Variants in ADAMTS15 observed in about 807,000 individuals in gnomAD.
ADAMTS15 encodes the protein A disintegrin and metalloproteinase with thrombospondin motifs 15.
In ADAMTS15, 35 loss-of-function variants were observed where a neutral mutation model predicts 79.1. The observed-to-expected ratio is 0.44, with a 90% CI of 0.34 to 0.59. The LOEUF (loss-of-function observed/expected upper bound fraction) is 0.59. Ranked by LOEUF, ADAMTS15 falls within the 20% of genes least tolerant of loss-of-function variation. The pLI is 0.02. For missense variants in ADAMTS15, 1,324 were observed against 1,318.7 expected (o/e 1.00, Z -0.06); for synonymous variants, 616 against 567.3 (o/e 1.09, Z -1.22).
In ADAMTS15 at chr11:130,469,301, T is replaced by C. The variant is rs1938372424; in HGVS notation, c.1582T>C (p.Cys528Arg). ...GGCCAAATGGGATCCCTATGGCCCC[T>C]GCTCGCGCACATGTGGTGGGGGCGT... ...SWAKWDPYGP[C>R]SRTCGGGVQL... The change falls in exon 5 of 8, where the codon TGC becomes CGC. Residue 528 changes from cysteine to arginine, a missense_variant. Cys to Arg is a radical substitution (Grantham distance 180). Transcript: ENST00000299164. 1 of 1,402,292 alleles carries C rather than the reference T, an allele frequency of 7.1e-7. No individual in the cohort carries two copies. The highest frequency in any genetic ancestry group is 9.3e-7 in the Non-Finnish European group (1 of 1,073,234). The allele number at this position is 1,402,292 out of a possible 1,614,324, so 86.9% of individuals were successfully genotyped here. A position where few individuals can be genotyped will look rare whatever the true frequency, so the allele number is the denominator to read the frequency against.
chr11:130,470,146 A>ACATG lies in ADAMTS15; in HGVS notation c.1720+707_1720+708insCATG, dbSNP rs1938397671. Among the ~76,000 whole-genome samples, 14 of 58,884 alleles carry ACATG rather than the reference A, an allele frequency of 2.4e-4. 1 individual carries two copies. Among genetic ancestry groups the ACATG allele is most frequent in the Admixed American group, 1.0e-3 (6 of 5,948 alleles). The allele number at this position is 58,884 out of a possible 152,430, so 38.6% of individuals were successfully genotyped here. A position where few individuals can be genotyped will look rare whatever the true frequency, so the allele number is the denominator to read the frequency against. The stretch of plus-strand genomic sequence containing the variant: ...TATATATATATACATATATATATAT[A>ACATG]TATATGTGTATATATATATATATAT... On this transcript the variant is annotated intron_variant, in intron 5 of 7. Transcript: ENST00000299164.
chr11:130,460,256 C>T (rs1393354714), intron 1 of ADAMTS15, among the ~76,000 whole-genome samples: 2 of 151,384 alleles, frequency 1.3e-5, no homozygotes, highest in Non-Finnish European at 2.9e-5. Flanking sequence ...ACCAGCATCA[C>T]TGATTCAACA....
At position 130,473,417 on chromosome 11, in the gene ADAMTS15, G is replaced by A. The variant is rs1204880538; in HGVS notation, c.2449G>A (p.Gly817Arg). Reference protein sequence around the residue: ...DKSSHPKDPRGPSVLHNSVLS... With the variant: ...DKSSHPKDPRRPSVLHNSVLS... ...GTCCTCTCATCCCAAGGACCCCCGG[G>A]GACCCTCTGTCTTGCACAACAGCGT... Residue 817 changes from glycine (G) to arginine (R), a missense_variant, in exon 8 of 8, where the codon GGA (glycine) becomes AGA (arginine). By Grantham distance (125) the Gly-to-Arg change is moderately radical (BLOSUM62 -2). Transcript: ENST00000299164. The A allele has an allele frequency of 6.2e-7, 1 of 1,612,800 alleles. No individual in the cohort carries two copies. The highest frequency in any genetic ancestry group is 1.1e-5 in the South Asian group (1 of 91,086).
chr11:130,460,555 G>A (rs1446815797), intron 1 of ADAMTS15, among the ~76,000 whole-genome samples: 1 of 152,180 alleles, frequency 6.6e-6, no homozygotes, highest in Non-Finnish European at 1.5e-5. Flanking sequence ...GGAATTACAG[G>A]TGTGGGCCAC....
At chr11:130,471,472 G>T (rs1477636218) in intron 7 of ADAMTS15, 89 bp downstream of exon 7, 25 of 1,458,840 alleles carry the variant, frequency 1.7e-5, no homozygotes, top group Non-Finnish European at 2.0e-5. Flanking sequence ...TTAGACTGGG[G>T]TAAATGTCAG....
Position 130,449,312 on chromosome 11 carries a change from G to T in ADAMTS15, c.339G>T (p.Ser113=), listed in dbSNP as rs762890434. Residue 113 remains serine, a synonymous_variant, in exon 1 of 8, where the codon TCG becomes TCT. Transcript: ENST00000299164. This position sits in a 1 kb window ranked among gnomAD's most constrained non-coding sequence, Gnocchi z 7.8. The part of the protein sequence containing the change: ...YSGDVNAEPD[S]FAAVSLCGGL... ...GGGACGTGAACGCCGAGCCGGACTC[G>T]TTCGCTGCTGTGAGCCTGTGCGGGG... 1 of 1,610,494 alleles carries T rather than the reference G, an allele frequency of 6.2e-7. No individual in the cohort carries two copies.
intron 5 of ADAMTS15, among the ~76,000 whole-genome samples, chr11:130,470,119 CAT>C (rs1208986843): frequency 3.0e-4 from 19 of 64,018 alleles, no homozygotes; most frequent in African/African-American, 5.2e-4. Flanking sequence ...ATTACTGAAT[CAT>C]ATATATATAT....
rs990671283 is a variant in ADAMTS15 at position 130,475,072 on chromosome 11, C to A, written c.*1251C>A. On this transcript the variant is annotated 3_prime_UTR_variant, in exon 8 of 8. Transcript: ENST00000299164. Reference sequence around the variant, plus strand: ...CCCCTAGGACAGTGGTGACCTGGTCCTTCCACCACACTCAGTCTTTGGAGA... The same window carrying A: ...CCCCTAGGACAGTGGTGACCTGGTCATTCCACCACACTCAGTCTTTGGAGA... 3 of 152,328 alleles carry A rather than the reference C, an allele frequency of 2.0e-5. No homozygotes were observed. The highest frequency in any genetic ancestry group is 4.8e-5 in the African/African-American group (2 of 41,472). The allele number at this position is 152,328 out of a possible 1,614,324, so 9.4% of individuals were successfully genotyped here. A position where few individuals can be genotyped will look rare whatever the true frequency, so the allele number is the denominator to read the frequency against.
Position 130,449,798 on chromosome 11 carries a change from T to A in ADAMTS15, c.825T>A (p.Arg275=), listed in dbSNP as rs1324948971. 6.2e-7 allele frequency: 1 copy of A among 1,611,756 alleles called. No individual in the cohort carries two copies. The highest frequency in any genetic ancestry group is 8.5e-7 in the Non-Finnish European group (1 of 1,180,028). ...TCAAGGTGCTGCTTCTTAGAGATCGTGACTCCGGGCCCAAGGTCACCGGCA... is the reference window on the plus strand; with the variant it reads ...TCAAGGTGCTGCTTCTTAGAGATCGAGACTCCGGGCCCAAGGTCACCGGCA... ...VVVKVLLLRD[R]DSGPKVTGNA... Residue 275 remains arginine (R), a synonymous_variant, in exon 1 of 8, where the codon CGT becomes CGA. Transcript: ENST00000299164. The surrounding 1 kb of genome is among the most constrained non-coding windows in gnomAD (Gnocchi z 7.8).
intron 5 of ADAMTS15, among the ~76,000 whole-genome samples, chr11:130,470,184 G>GTATATATATACATATA (rs1281455253): frequency 4.0e-5 from 2 of 50,184 alleles, no homozygotes; most frequent in African/African-American, 2.0e-4. Context: ...ATATATATGT[G>GTATATATATACATATA]TGTATATATA....
chr11:130,470,201 T>TGTATATATAC (rs1938420040), intron 5 of ADAMTS15, among the ~76,000 whole-genome samples: 2 of 60,522 alleles, frequency 3.3e-5, no homozygotes, highest in African/African-American at 1.5e-4. Flanking sequence ...TATATATATA[T>TGTATATATAC]ATATATATGT....
intron 1 of ADAMTS15, among the ~76,000 whole-genome samples, chr11:130,451,326 A>G (rs1289621937): frequency 6.6e-6 from 1 of 152,178 alleles, no homozygotes; most frequent in Non-Finnish European, 1.5e-5. Context: ...ACAGTAACCC[A>G]TTTGGCACAG....
intron 5 of ADAMTS15, 68 bp from the exon 6 acceptor site, chr11:130,470,852 G>T (rs1054376868): frequency 6.6e-7 from 1 of 1,518,894 alleles, no homozygotes; most frequent in Non-Finnish European, 8.9e-7. Context: ...GGCTGGGAGG[G>T]AGGCTTGTCC....
rs1416854282 is a variant in ADAMTS15, at chr11:130,462,046, C to T, written c.1091-41C>T. The stretch of plus-strand genomic sequence containing the variant: ...CCATTCCTCCCTCCAACCCCCATGT[C>T]CTTCCTCCTGCCCTCTCAGTCCTCT... On this transcript the variant is annotated intron_variant, in intron 2 of 7. Coordinates refer to ENST00000299164, the MANE Select transcript of ADAMTS15 (RefSeq NM_139055.4). This position sits in a 1 kb window ranked among gnomAD's most constrained non-coding sequence, Gnocchi z 4.3. The T allele has an allele frequency of 3.8e-6, 6 of 1,577,674 alleles. No homozygotes were observed. The highest frequency in any genetic ancestry group is 5.2e-6 in the Non-Finnish European group (6 of 1,154,002).
rs546133590 is a variant in ADAMTS15, at chr11:130,454,141, C to T, written c.957+4211C>T. Among the ~76,000 whole-genome samples, 3 of 152,250 alleles carry T rather than the reference C, an allele frequency of 2.0e-5. No homozygotes were observed. In the South Asian group the frequency reaches 6.2e-4, roughly 32 times the overall value. ...TCTATTTTGTTTGTTTGTTTTTTTC[C>T]TGTTGCCTCTTCATATCATTTGATG... is the stretch of plus-strand genomic sequence containing the variant. On this transcript the variant is annotated intron_variant, in intron 1 of 7. Transcript: ENST00000299164.
chr11:130,467,835 C>T (rs559801755), intron 4 of ADAMTS15, among the ~76,000 whole-genome samples: 1 of 150,950 alleles, frequency 6.6e-6, no homozygotes, highest in Non-Finnish European at 1.5e-5. Flanking sequence ...CAAAGCCAAA[C>T]CGAGTTTTAG....
In ADAMTS15 at chr11:130,449,197, T is replaced by C; in HGVS notation, c.224T>C (p.Leu75Ser). Residue 75 changes from leucine (L) to serine (S), a missense_variant, in exon 1 of 8, where the codon TTG (leucine) becomes TCG (serine). Transcript: ENST00000299164. This position sits in a 1 kb window ranked among gnomAD's most constrained non-coding sequence, Gnocchi z 7.8. The part of the protein sequence containing the change: ...YLHLTPDAQF[L>S]APAFSTEHLG... Reference sequence around the variant, plus strand: ...CACCTGACGCCGGATGCTCAGTTCTTGGCTCCCGCCTTCTCCACTGAGCAT... The same window carrying C: ...CACCTGACGCCGGATGCTCAGTTCTCGGCTCCCGCCTTCTCCACTGAGCAT... 1 of 1,613,998 alleles carries C rather than the reference T, an allele frequency of 6.2e-7. No individual in the cohort carries two copies.
chr11:130,450,850 C>T (rs1937948500), intron 1 of ADAMTS15, among the ~76,000 whole-genome samples: 1 of 152,154 alleles, frequency 6.6e-6, no homozygotes, highest in African/African-American at 2.4e-5. Flanking sequence ...TCTGCCCTTG[C>T]TGGGGTGGAA....
chr11:130,449,894 C>A lies in ADAMTS15; in HGVS notation c.921C>A (p.Pro307=). The A allele has an allele frequency of 6.2e-7, 1 of 1,601,030 alleles. No individual in the cohort carries two copies. Among genetic ancestry groups the A allele is most frequent in the Non-Finnish European group, 8.5e-7 (1 of 1,179,948 alleles). ...TGAACAAAGTGAGTGACAAGCACCC[C>A]GAGTACTGGGACACTGCCATCCTCT... ...KKLNKVSDKH[P]EYWDTAILFT... The change falls in exon 1 of 8, where the codon CCC becomes CCA. Residue 307 remains proline (P), a synonymous_variant. Coordinates refer to ENST00000299164, the MANE Select transcript of ADAMTS15 (RefSeq NM_139055.4). The surrounding 1 kb of genome is among the most constrained non-coding windows in gnomAD (Gnocchi z 7.8).
Sources: allele counts gnomAD v4.1 joint callset (sites outside exome capture counted in the v4.1 genomes callset), GRCh38; gene constraint gnomAD v4.1.1; non-coding constraint Gnocchi (gnomAD v3.1); transcripts MANE v1.5; gene names NCBI Gene and HGNC (gene_info 2026-07-23, HGNC 2026-07-21).